Variants in LRRC38 observed in about 807,000 individuals in gnomAD.
LRRC38 encodes the protein leucine rich repeat containing 38.
In LRRC38, 5 loss-of-function variants were observed where a neutral mutation model predicts 16.4. That is an observed-to-expected ratio of 0.31 (90% CI 0.16 to 0.64). LRRC38 has a LOEUF of 0.64. LRRC38 is among the 30% of genes least tolerant of loss of function. The probability of loss-of-function intolerance (pLI) is 0.80; values close to 1 mark genes in which losing one functional copy is unlikely to be tolerated. For synonymous variants in LRRC38, 191 were observed against 190.2 expected (o/e 1.00, Z -0.04); for missense variants, 341 against 401.8 (o/e 0.85, Z 1.29).
intron 1 of LRRC38, among the ~76,000 whole-genome samples, chr1:13,496,226 G>A (rs1288492366): frequency 6.6e-6 from 1 of 151,896 alleles, no homozygotes; most frequent in Non-Finnish European, 1.5e-5. Context: ...GGGTGCAGCA[G>A]CAAGATCCTA....
intron 1 of LRRC38, among the ~76,000 whole-genome samples, chr1:13,489,968 G>A (rs998807763): frequency 1.1e-4 from 16 of 152,068 alleles, no homozygotes; most frequent in African/African-American, 1.7e-4. Context: ...CAGTAAAAGG[G>A]ACCCTGCACC....
intron 1 of LRRC38, among the ~76,000 whole-genome samples, chr1:13,495,345 G>C (rs1172012344): frequency 2.0e-5 from 3 of 152,124 alleles, no homozygotes; most frequent in Non-Finnish European, 2.9e-5. Context: ...GGTTGCTGGT[G>C]GGTGATCCAG....
chr1:13,507,414 T>C (rs1639226384), intron 1 of LRRC38, among the ~76,000 whole-genome samples: 1 of 152,186 alleles, frequency 6.6e-6, no homozygotes, highest in African/African-American at 2.4e-5. Context: ...AACACAGCTC[T>C]CTCAGGTATA....
chr1:13,512,927 C>CCCCCA, intron 1 of LRRC38, 36 bp downstream of exon 1: 2 of 1,333,532 alleles, frequency 1.5e-6, no homozygotes, highest in East Asian at 2.7e-5. Context: ...CCCTGCCCCC[C>CCCCCA]TCCCTCCCTC....
chr1:13,488,470 C>G (rs1175974022), intron 1 of LRRC38, among the ~76,000 whole-genome samples: 1 of 152,036 alleles, frequency 6.6e-6, no homozygotes, highest in Non-Finnish European at 1.5e-5. Flanking sequence ...TGGGGTTTCA[C>G]CATGTTGGCC....
At chr1:13,490,527 CCT>C (rs780010497) in intron 1 of LRRC38, among the ~76,000 whole-genome samples, 4 of 152,140 alleles carry the variant, frequency 2.6e-5, no homozygotes, top group Non-Finnish European at 5.9e-5. Context: ...CACCATCACC[CCT>C]GTCATCTCAA....
Position 13,498,028 on chromosome 1 carries a change from A to G in LRRC38, c.631+14935T>C, listed in dbSNP as rs1639102969. Among the ~76,000 whole-genome samples the G allele has an allele frequency of 1.3e-5, 2 of 151,624 alleles. 1 individual carries two copies. The highest frequency in any genetic ancestry group is 1.3e-4 in the Admixed American group (2 of 15,196). ...CTGGATTAAAAAAATATCCAAGTTC[A>G]TCTCATCTGCTCATTTTTCTGTTTT... On this transcript the variant is annotated intron_variant, in intron 1 of 1. Transcript: ENST00000376085.
At chr1:13,495,429 T>C (rs749545705) in intron 1 of LRRC38, among the ~76,000 whole-genome samples, 15 of 151,674 alleles carry the variant, frequency 9.9e-5, no homozygotes, top group Non-Finnish European at 5.9e-5. Context: ...GCATGTCCTC[T>C]GCTGCAGGCT....
intron 1 of LRRC38, among the ~76,000 whole-genome samples, chr1:13,509,787 A>G (rs753222010): frequency 4.6e-5 from 7 of 152,208 alleles, no homozygotes; most frequent in Non-Finnish European, 7.3e-5. Flanking sequence ...TTATAAGAGA[A>G]AAATTGAAGG....
intron 1 of LRRC38, among the ~76,000 whole-genome samples, chr1:13,503,998 C>T (rs1639180356): frequency 6.6e-6 from 1 of 152,240 alleles, no homozygotes; most frequent in Non-Finnish European, 1.5e-5. Flanking sequence ...TGCGCTGTCT[C>T]AGATACTGCT....
chr1:13,497,427 G>A (rs1237021238), intron 1 of LRRC38, among the ~76,000 whole-genome samples: 2 of 152,078 alleles, frequency 1.3e-5, no homozygotes, highest in African/African-American at 4.8e-5. Flanking sequence ...GCAAGCGTGG[G>A]AGCTTGTGGC....
chr1:13,503,337 C>T (rs975313254), intron 1 of LRRC38, among the ~76,000 whole-genome samples: 1 of 152,152 alleles, frequency 6.6e-6, no homozygotes, highest in Non-Finnish European at 1.5e-5. Flanking sequence ...GGCACGATCT[C>T]GGCTCACTGC....
chr1:13,481,231 C>G (rs1188396900), intron 1 of LRRC38, among the ~76,000 whole-genome samples: 1 of 152,110 alleles, frequency 6.6e-6, no homozygotes, highest in Admixed American at 6.5e-5. Flanking sequence ...CCTGCCTCAG[C>G]CTTCCAAGTA....
rs1203420477 is a variant in LRRC38 at position 13,477,341 on chromosome 1, T to G, written c.632-1242A>C. 2.0e-5 allele frequency among the ~76,000 whole-genome samples: 3 copies of G among 152,214 alleles called. No individual in the cohort carries two copies. The East Asian group carries it at 5.8e-4, about 29-fold the overall frequency. ...AGGAAACAAAACAAAGCCTTTGCCTTCATTTAGCTTACATTTTAGACAATA... is the reference window on the plus strand; with the variant it reads ...AGGAAACAAAACAAAGCCTTTGCCTGCATTTAGCTTACATTTTAGACAATA... On this transcript the variant is annotated intron_variant, in intron 1 of 1. Transcript: ENST00000376085.
At chr1:13,510,416 C>T (rs2100528444) in intron 1 of LRRC38, among the ~76,000 whole-genome samples, 1 of 152,302 alleles carries the variant, frequency 6.6e-6, no homozygotes, top group African/African-American at 2.4e-5. Flanking sequence ...AAAACACTTA[C>T]ATAGTATATA....
At chr1:13,485,201 C>T (rs1356908501) in intron 1 of LRRC38, among the ~76,000 whole-genome samples, 1 of 148,452 alleles carries the variant, frequency 6.7e-6, no homozygotes, top group East Asian at 2.1e-4. Context: ...CGCTTGAACC[C>T]GGGAGGCGGA....
Position 13,513,226 on chromosome 1 carries a change from G to A in LRRC38, c.368C>T (p.Ala123Val), listed in dbSNP as rs535663196. The change falls in exon 1 of 2, where the codon GCC becomes GTC. Residue 123 changes from alanine to valine, a missense_variant. Coordinates refer to ENST00000376085, the MANE Select transcript of LRRC38 (RefSeq NM_001010847.2). ...CACCAGCCTCCCGGCCGAGCGGAAG[G>A]CGCCGGCGCCCAGCTGGGTCAAGTT... ...YNNLTQLGAG[A>V]FRSAGRLVKL... 19 of 1,550,506 alleles carry A rather than the reference G, an allele frequency of 1.2e-5. 1 individual carries two copies. The South Asian group carries it at 1.9e-4, about 16-fold the overall frequency.
At chr1:13,493,154 A>G (rs959059806) in intron 1 of LRRC38, among the ~76,000 whole-genome samples, 42 of 151,610 alleles carry the variant, frequency 2.8e-4, no homozygotes, top group Non-Finnish European at 6.0e-4. Flanking sequence ...CTGGCAAGTC[A>G]GAAATCAAGT....
At chr1:13,491,419 T>C (rs1285783668) in intron 1 of LRRC38, among the ~76,000 whole-genome samples, 1 of 152,092 alleles carries the variant, frequency 6.6e-6, no homozygotes, top group Non-Finnish European at 1.5e-5. Flanking sequence ...CTCGACCTCT[T>C]GGGCTCAGGC....
Sources: gnomAD v4.1 joint callset for allele counts (sites outside exome capture counted in the v4.1 genomes callset) on GRCh38, gnomAD v4.1.1 for gene constraint, MANE v1.5 for transcripts, NCBI Gene and HGNC (gene_info 2026-07-23, HGNC 2026-07-21) for gene names.